PRTG: variants seen among roughly 807,000 people sequenced by gnomAD.
PRTG encodes the protein protogenin, also known as immunoglobulin superfamily, DCC subclass, member 5.
PRTG carries 67 observed loss-of-function variants against 122.5 expected under a neutral mutation model. That is an observed-to-expected ratio of 0.55 (90% CI 0.45 to 0.67). The LOEUF (loss-of-function observed/expected upper bound fraction) is 0.67, where lower values mean the gene tolerates loss of function less well. Among genes scored for constraint, PRTG ranks in the 30% least tolerant of loss-of-function variants. The pLI, the probability that PRTG is intolerant of heterozygous loss-of-function variation, is 0.00. For synonymous variants in PRTG, 554 were observed against 501.1 expected (o/e 1.11, Z -1.41); for missense variants, 1,435 against 1,415.4 (o/e 1.01, Z -0.22).
chr15:55,729,137 G>A (rs2031142383), intron 2 of PRTG, among the ~76,000 whole-genome samples: 1 of 152,286 alleles, frequency 6.6e-6, no homozygotes, highest in East Asian at 1.9e-4. Flanking sequence ...TCCAACAGAT[G>A]AACGGGTAAA....
At chr15:55,639,521 G>C in intron 13 of PRTG, 121 bp downstream of exon 13, 1 of 744,400 alleles carries the variant, frequency 1.3e-6, no homozygotes, top group Non-Finnish European at 2.2e-6. Context: ...AATAACTTAA[G>C]TCCTGAAACA....
rs2059524527 is a variant in PRTG, at chr15:55,679,436, G to A, written c.983C>T (p.Ser328Leu). The A allele has an allele frequency of 9.3e-6, 15 of 1,607,910 alleles. No homozygotes were observed. The East Asian group carries it at 3.4e-4, about 36-fold the overall frequency. Residue 328 changes from serine (S) to leucine (L), a missense_variant, in exon 7 of 20, where the codon TCA becomes TTA. Coordinates refer to ENST00000389286, the MANE Select transcript of PRTG (RefSeq NM_173814.6). ...TAAACTTTCTGGCCATTCAACAAAT[G>A]AAGGAGGAGCTATTTTTAAAGAAAA... Reference protein sequence around the residue: ...MATLTVLAPPSFVEWPESLTR... With the variant: ...MATLTVLAPPLFVEWPESLTR...
At chr15:55,738,929 G>C (rs559594191) in intron 2 of PRTG, among the ~76,000 whole-genome samples, 1 of 147,932 alleles carries the variant, frequency 6.8e-6, no homozygotes, top group Non-Finnish European at 1.5e-5. Context: ...GAGAAAGGAA[G>C]GAAGTAGGAA....
At chr15:55,628,702 A>T (rs1318231398) in intron 16 of PRTG, 120 bp downstream of exon 16, 1 of 765,950 alleles carries the variant, frequency 1.3e-6, no homozygotes, top group Non-Finnish European at 2.0e-6. Flanking sequence ...CTCATCAGCA[A>T]CAACTTACGG....
chr15:55,611,735 C>T lies in PRTG; in HGVS notation c.*8277G>A, dbSNP rs1481292968. ...TACTATGATACTAGAAAAAAAAAAA[C>T]AAATCTACATTATTAAACAAATATG... On this transcript the variant is annotated 3_prime_UTR_variant, in exon 20 of 20. Transcript: ENST00000389286. 1 of 150,004 alleles carries T rather than the reference C, an allele frequency of 6.7e-6. No homozygotes were observed. Among genetic ancestry groups the T allele is most frequent in the Non-Finnish European group, 1.5e-5 (1 of 67,386 alleles). 9.3% of individuals were successfully genotyped at this position (150,004 alleles called of 1,614,324 possible).
At chr15:55,721,395 GGTACATAGTGTATAATGA>G (rs2141868990) in intron 2 of PRTG, among the ~76,000 whole-genome samples, 1 of 152,214 alleles carries the variant, frequency 6.6e-6, no homozygotes, top group African/African-American at 2.4e-5. Context: ...TCGTTAACAT[GGTACATAGTGTATAATGA>G]GTCTTTCCTT....
At chr15:55,638,083 TAGAGA>T (rs2059267806) in intron 14 of PRTG, among the ~76,000 whole-genome samples, 1 of 152,216 alleles carries the variant, frequency 6.6e-6, no homozygotes, top group African/African-American at 2.4e-5. Context: ...AATGTTGGTC[TAGAGA>T]CATAAAATAT....
At chr15:55,705,491 G>T (rs982060240) in intron 2 of PRTG, among the ~76,000 whole-genome samples, 1 of 152,074 alleles carries the variant, frequency 6.6e-6, no homozygotes, top group Non-Finnish European at 1.5e-5. Flanking sequence ...AGAGGGTCTC[G>T]CTCTGTCGCT....
chr15:55,695,154 GA>G (rs1357654645), intron 2 of PRTG, among the ~76,000 whole-genome samples: 2 of 152,020 alleles, frequency 1.3e-5, no homozygotes, highest in Non-Finnish European at 2.9e-5. Context: ...ATGCCAAGAT[GA>G]AAATGTTTTC....
At chr15:55,626,177 A>G (rs2059193623) in intron 17 of PRTG, among the ~76,000 whole-genome samples, 1 of 152,124 alleles carries the variant, frequency 6.6e-6, no homozygotes, top group African/African-American at 2.4e-5. Flanking sequence ...GTACTTTGGG[A>G]GGCCAAGGTG....
intron 2 of PRTG, among the ~76,000 whole-genome samples, chr15:55,706,014 A>ATTTTTTTTTTTTTTTTTTTTTTTT (rs56275705): frequency 4.2e-5 from 4 of 94,362 alleles, no homozygotes; most frequent in Non-Finnish European, 8.0e-5. Context: ...TGCCCAGCTA[A>ATTTTTTTTTTTTTTTTTTTTTTTT]TTTTTTTTTT....
chr15:55,646,458 G>C (rs997556336), intron 11 of PRTG, among the ~76,000 whole-genome samples: 3 of 151,754 alleles, frequency 2.0e-5, no homozygotes, highest in African/African-American at 7.3e-5. Flanking sequence ...AAGTAGCTAG[G>C]ACTACAGGCG....
intron 2 of PRTG, among the ~76,000 whole-genome samples, chr15:55,702,217 G>C (rs562315303): frequency 1.3e-5 from 2 of 152,268 alleles, no homozygotes; most frequent in South Asian, 2.1e-4. Flanking sequence ...GATTTAAAAA[G>C]CTGACTCCTA....
At chr15:55,712,347 TC>T (rs1284895424) in intron 2 of PRTG, among the ~76,000 whole-genome samples, 2 of 152,164 alleles carry the variant, frequency 1.3e-5, no homozygotes, top group East Asian at 3.9e-4. Context: ...ATAGCTTTAG[TC>T]CGTGGACAGA....
intron 11 of PRTG, among the ~76,000 whole-genome samples, chr15:55,668,978 T>C (rs2059453250): frequency 1.3e-5 from 2 of 152,162 alleles, no homozygotes; most frequent in South Asian, 2.1e-4. Flanking sequence ...TAAGCAGAGA[T>C]TACATCTGTT....
Position 55,740,772 on chromosome 15 carries a change from G to C in PRTG, c.95-88C>G, listed in dbSNP as rs1267485687. 4 of 1,135,958 alleles carry C rather than the reference G, an allele frequency of 3.5e-6. No homozygotes were observed. The East Asian group carries it at 7.3e-5, about 21-fold the overall frequency. The allele number at this position is 1,135,958 out of a possible 1,614,324, so 70.4% of individuals were successfully genotyped here. A position where few individuals can be genotyped will look rare whatever the true frequency, so the allele number is the denominator to read the frequency against. ...ACACAACTGTAAAACACATATTCAGGGTATGAGATGACGAAGTTTAATAAA... is the reference window on the plus strand; with the variant it reads ...ACACAACTGTAAAACACATATTCAGCGTATGAGATGACGAAGTTTAATAAA... On this transcript the variant is annotated intron_variant, in intron 1 of 19. Coordinates refer to ENST00000389286, the MANE Select transcript of PRTG (RefSeq NM_173814.6).
intron 11 of PRTG, among the ~76,000 whole-genome samples, chr15:55,641,592 T>C (rs945496776): frequency 1.9e-4 from 29 of 152,338 alleles, no homozygotes; most frequent in African/African-American, 7.0e-4. Context: ...TTTAAGCAGT[T>C]ATATTTGAGG....
chr15:55,651,465 T>C (rs1316102027), intron 11 of PRTG, among the ~76,000 whole-genome samples: 1 of 152,180 alleles, frequency 6.6e-6, no homozygotes, highest in Non-Finnish European at 1.5e-5. Flanking sequence ...AAAAGCTCGC[T>C]GAGTAGGAAG....
intron 15 of PRTG, among the ~76,000 whole-genome samples, chr15:55,629,879 A>T (rs557934242): frequency 6.8e-6 from 1 of 146,980 alleles, no homozygotes; most frequent in East Asian, 2.0e-4. Context: ...GTGCAGTGGC[A>T]TGATCATGGC....
Sources: allele counts gnomAD v4.1 joint callset (sites outside exome capture counted in the v4.1 genomes callset), GRCh38; gene constraint gnomAD v4.1.1; transcripts MANE v1.5; gene names NCBI Gene and HGNC (gene_info 2026-07-23, HGNC 2026-07-21).